MAGI3: variants seen among roughly 807,000 people sequenced by gnomAD.
MAGI3 encodes the protein membrane-associated guanylate kinase, WW and PDZ domain-containing protein 3.
MAGI3 carries 43 observed loss-of-function variants against 121.8 expected under a neutral mutation model. That is an observed-to-expected ratio of 0.35 (90% confidence interval 0.28 to 0.46). MAGI3 has a LOEUF of 0.46. Ranked by LOEUF, MAGI3 falls within the 20% of genes least tolerant of loss-of-function variation. The pLI, the probability that MAGI3 is intolerant of heterozygous loss-of-function variation, is 1.00. For synonymous variants in MAGI3, 553 were observed against 639.3 expected (o/e 0.86, Z 2.04); for missense variants, 1,547 against 1,797.3 (o/e 0.86, Z 2.52).
intron 1 of MAGI3, among the ~76,000 whole-genome samples, chr1:113,518,880 A>G (rs1658049064): frequency 1.3e-5 from 2 of 152,166 alleles, no homozygotes; most frequent in African/African-American, 4.8e-5. Flanking sequence ...AGTTCTTGTC[A>G]GTGATTATTT....
intron 1 of MAGI3, among the ~76,000 whole-genome samples, chr1:113,441,069 A>G (rs1256540485): frequency 6.6e-6 from 1 of 152,098 alleles, no homozygotes; most frequent in Non-Finnish European, 1.5e-5. Flanking sequence ...ACCCCTTAAC[A>G]TTGCTGGAGT....
At chr1:113,421,996 C>T (rs547044614) in intron 1 of MAGI3, among the ~76,000 whole-genome samples, 6 of 152,204 alleles carry the variant, frequency 3.9e-5, no homozygotes, top group Middle Eastern at 3.4e-3. Context: ...CACCTCTTAT[C>T]ATTAGTGTGA....
chr1:113,454,991 A>G (rs1216719881), intron 1 of MAGI3, among the ~76,000 whole-genome samples: 1 of 152,220 alleles, frequency 6.6e-6, no homozygotes, highest in African/African-American at 2.4e-5. Context: ...CAGAGAAGGC[A>G]TACGTGAAAA....
At chr1:113,669,460 A>G (rs1162702085) in intron 16 of MAGI3, among the ~76,000 whole-genome samples, 1 of 152,208 alleles carries the variant, frequency 6.6e-6, no homozygotes, top group Non-Finnish European at 1.5e-5. Flanking sequence ...TTTGAACATG[A>G]GGTGAAATGG....
intron 10 of MAGI3, 92 bp downstream of exon 10, chr1:113,642,608 A>G (rs1652611823): frequency 4.4e-6 from 6 of 1,379,036 alleles, no homozygotes; most frequent in Non-Finnish European, 3.0e-6. Flanking sequence ...GTGTTTTCCC[A>G]GCAGACTTAA....
intron 9 of MAGI3, among the ~76,000 whole-genome samples, chr1:113,631,530 T>C (rs1393232689): frequency 6.6e-6 from 1 of 152,222 alleles, no homozygotes; most frequent in Non-Finnish European, 1.5e-5. Flanking sequence ...ATATTTTATA[T>C]AACTTTGAGA....
At chr1:113,619,869 T>C (rs1650714266) in intron 8 of MAGI3, 39 bp downstream of exon 8, 1 of 1,434,650 alleles carries the variant, frequency 7.0e-7, no homozygotes, top group African/African-American at 1.4e-5. Context: ...AAGAATAACT[T>C]GTGAAATTTG....
intron 1 of MAGI3, among the ~76,000 whole-genome samples, chr1:113,488,697 C>T (rs781481201): frequency 2.8e-4 from 42 of 152,314 alleles, no homozygotes; most frequent in Non-Finnish European, 3.4e-4. Flanking sequence ...CGACCCCCTC[C>T]ACCCACCAAC....
chr1:113,440,777 G>A (rs927193575), intron 1 of MAGI3, among the ~76,000 whole-genome samples: 2 of 152,144 alleles, frequency 1.3e-5, no homozygotes, highest in African/African-American at 2.4e-5. Context: ...CCATTGCAAG[G>A]TATGCTTATC....
chr1:113,508,115 A>G (rs972841476), intron 1 of MAGI3, among the ~76,000 whole-genome samples: 1 of 152,234 alleles, frequency 6.6e-6, no homozygotes, highest in African/African-American at 2.4e-5. Flanking sequence ...ATTATCCACA[A>G]CAAAAATTAT....
chr1:113,519,244 T>C (rs1658068512), intron 1 of MAGI3, among the ~76,000 whole-genome samples: 1 of 152,190 alleles, frequency 6.6e-6, no homozygotes, highest in Non-Finnish European at 1.5e-5. Context: ...CTTTTGAGGC[T>C]GAGACCTAGT....
chr1:113,590,369 A>G, intron 4 of MAGI3, 115 bp from the exon 5 acceptor site: 1 of 961,028 alleles, frequency 1.0e-6, no homozygotes, highest in Non-Finnish European at 1.6e-6. Flanking sequence ...GACATAATAG[A>G]CAAGAAATTT....
At chr1:113,404,736 G>A (rs1359615490) in intron 1 of MAGI3, among the ~76,000 whole-genome samples, 1 of 152,098 alleles carries the variant, frequency 6.6e-6, no homozygotes, top group African/African-American at 2.4e-5. Flanking sequence ...GAAACTATGA[G>A]TGAAACGATG....
At chr1:113,664,940 C>A (rs1282888689) in intron 16 of MAGI3, among the ~76,000 whole-genome samples, 2 of 152,236 alleles carry the variant, frequency 1.3e-5, no homozygotes, top group South Asian at 4.1e-4. Context: ...TTTCTGCCAT[C>A]TGTATGTTCT....
intron 1 of MAGI3, among the ~76,000 whole-genome samples, chr1:113,416,356 T>C (rs895851189): frequency 4.6e-5 from 6 of 129,482 alleles, no homozygotes; most frequent in African/African-American, 1.1e-4. Flanking sequence ...AATTATATAT[T>C]AATTTATATT....
Position 113,391,486 on chromosome 1 carries a change from A to T in MAGI3, c.316+137A>T, listed in dbSNP as rs557976155. On this transcript the variant is annotated intron_variant, in intron 1 of 20. Coordinates refer to ENST00000307546, the MANE Select transcript of MAGI3 (RefSeq NM_001142782.2). The surrounding 1 kb of genome is among the most constrained non-coding windows in gnomAD (Gnocchi z 4.4). ...CCTCTAGGGTGTGCCAGACTCCTTG[A>T]CGAGGGGGAGGGGTGGCGTTGGTGA... 74 of 997,702 alleles carry T rather than the reference A, an allele frequency of 7.4e-5. No homozygotes were observed. The highest frequency in any genetic ancestry group is 9.3e-5 in the Non-Finnish European group (65 of 695,564). The allele number at this position is 997,702 out of a possible 1,614,324, so 61.8% of individuals were successfully genotyped here.
chr1:113,395,087 G>GTTTTTTTTTTTTTTTTTTTTTTTTTTTT (rs139532433), intron 1 of MAGI3, among the ~76,000 whole-genome samples: 1 of 33,244 alleles, frequency 3.0e-5, no homozygotes. Flanking sequence ...CTTTTTGTTA[G>GTTTTTTTTTTTTTTTTTTTTTTTTTTTT]TTTTTTTTTT....
intron 11 of MAGI3, among the ~76,000 whole-genome samples, chr1:113,646,060 C>A (rs1165779977): frequency 6.6e-6 from 1 of 152,130 alleles, no homozygotes; most frequent in Non-Finnish European, 1.5e-5. Flanking sequence ...TAAACATCTT[C>A]CTTAGAAATT....
At chr1:113,424,094 C>T (rs915844787) in intron 1 of MAGI3, among the ~76,000 whole-genome samples, 2 of 152,092 alleles carry the variant, frequency 1.3e-5, no homozygotes, top group African/African-American at 4.8e-5. Context: ...CTAGGGAGTG[C>T]GGGCTCCCAC....
Sources: gnomAD v4.1 joint callset for allele counts (sites outside exome capture counted in the v4.1 genomes callset) on GRCh38, gnomAD v4.1.1 for gene constraint, Gnocchi (gnomAD v3.1) non-coding constraint, MANE v1.5 for transcripts, NCBI Gene and HGNC (gene_info 2026-07-23, HGNC 2026-07-21) for gene names.